The following RBL2 variants were observed in gnomAD, a reference collection of about 807,000 sequenced individuals.
RBL2 encodes the protein retinoblastoma-like protein 2.
A neutral mutation model predicts 126.0 loss-of-function variants in RBL2; 56 were observed. The observed-to-expected ratio is 0.44, with a 90% confidence interval of 0.36 to 0.56. The LOEUF (loss-of-function observed/expected upper bound fraction) is 0.56. RBL2 is among the 20% of genes least tolerant of loss of function. The pLI, the probability that RBL2 is intolerant of heterozygous loss-of-function variation, is 0.00. For missense variants in RBL2, 1,229 were observed against 1,398.2 expected (o/e 0.88, Z 1.93); for synonymous variants, 454 against 478.5 (o/e 0.95, Z 0.67).
chr16:53,462,514 C>T (rs1358093294), intron 10 of RBL2, 38 bp from the exon 11 acceptor site: 14 of 1,289,332 alleles, frequency 1.1e-5, no homozygotes, highest in African/African-American at 4.9e-5. Flanking sequence ...TCTTTGTGTG[C>T]CATTTTTGTG....
intron 9 of RBL2, among the ~76,000 whole-genome samples, chr16:53,461,157 C>T (rs913165504): frequency 2.6e-5 from 4 of 151,806 alleles, no homozygotes; most frequent in Non-Finnish European, 5.9e-5. Context: ...TCATAGATAT[C>T]GAATGGGCCC....
Position 53,490,799 on chromosome 16 carries a change from GAGGTCCT to G in RBL2, c.*505_*511del, listed in dbSNP as rs1261870208. 2.0e-5 allele frequency: 3 copies of G among 152,654 alleles called. No homozygotes were observed. The highest frequency in any genetic ancestry group is 4.4e-5 in the Non-Finnish European group (3 of 68,070). 9.5% of individuals were successfully genotyped at this position (152,654 alleles called of 1,614,324 possible). On this transcript the variant is annotated 3_prime_UTR_variant, in exon 22 of 22. Transcript: ENST00000262133. ...ACAAAGGAGAGCACACCCAGGTTTG[GAGGTCCT>G]AGGTCATTAGCCCTCGTCTCCCGTT...
chr16:53,470,360 A>T, intron 15 of RBL2, 23 bp from the exon 16 acceptor site: 1 of 1,604,164 alleles, frequency 6.2e-7, no homozygotes, highest in Middle Eastern at 1.7e-4. Context: ...CATTTTCTTC[A>T]TGCTTTTTTT....
rs1555571172 is a variant in RBL2 at position 53,490,550 on chromosome 16, G to C, written c.*250G>C. On this transcript the variant is annotated 3_prime_UTR_variant, in exon 22 of 22. Transcript: ENST00000262133. ...CAAGGCTGCTTAGAATCCAAACTTG[G>C]ATTTTTGACTCTGGCAAAGCTTTTA... is the stretch of plus-strand genomic sequence containing the variant. 20 of 347,562 alleles carry C rather than the reference G, an allele frequency of 5.8e-5. No individual in the cohort carries two copies. Among genetic ancestry groups the C allele is most frequent in the Non-Finnish European group, 8.7e-5 (17 of 194,462 alleles). 21.5% of individuals were successfully genotyped at this position (347,562 alleles called of 1,614,324 possible). A position where few individuals can be genotyped will look rare whatever the true frequency, so the allele number is the denominator to read the frequency against.
At chr16:53,444,172 C>T (rs936597641) in intron 3 of RBL2, among the ~76,000 whole-genome samples, 6 of 151,806 alleles carry the variant, frequency 4.0e-5, no homozygotes, top group Admixed American at 2.6e-4. Flanking sequence ...TCCCTTGAAC[C>T]GAGAGGCAGA....
intron 1 of RBL2, among the ~76,000 whole-genome samples, 158 bp downstream of exon 1, chr16:53,434,954 G>A (rs1222343290): frequency 1.3e-5 from 2 of 152,116 alleles, no homozygotes; most frequent in East Asian, 3.9e-4. Flanking sequence ...GCTCTTAGCC[G>A]CTCCGAGGGC....
At chr16:53,447,790 G>A (rs1424572812) in intron 4 of RBL2, among the ~76,000 whole-genome samples, 2 of 151,862 alleles carry the variant, frequency 1.3e-5, no homozygotes, top group Non-Finnish European at 2.9e-5. Context: ...GATTACAGGC[G>A]CCCACCACCA....
intron 17 of RBL2, among the ~76,000 whole-genome samples, chr16:53,478,256 A>G (rs1216954241): frequency 6.6e-6 from 1 of 152,044 alleles, no homozygotes; most frequent in Admixed American, 6.6e-5. Context: ...GATGCTTTTA[A>G]TATTTTCTTT....
At position 53,480,840 on chromosome 16, in the gene RBL2, A is replaced by G. The variant is rs2064018209; in HGVS notation, c.3084+71A>G. On this transcript the variant is annotated intron_variant, in intron 20 of 21. Coordinates refer to ENST00000262133, the MANE Select transcript of RBL2 (RefSeq NM_005611.4). ...TTGAGGAATCATTTATGATTTATAT[A>G]TGGACCATTCACCTGGTCCGTATAT... is the stretch of plus-strand genomic sequence containing the variant. 5 of 1,451,062 alleles carry G rather than the reference A, an allele frequency of 3.4e-6. No individual in the cohort carries two copies. In the Admixed American group the frequency reaches 7.1e-5, roughly 20 times the overall value. 89.9% of individuals were successfully genotyped at this position (1,451,062 alleles called of 1,614,324 possible). A position where few individuals can be genotyped will look rare whatever the true frequency, so the allele number is the denominator to read the frequency against.
chr16:53,465,675 G>A (rs2058265503), intron 13 of RBL2, 73 bp downstream of exon 13: 2 of 1,251,284 alleles, frequency 1.6e-6, no homozygotes, highest in South Asian at 4.2e-5. Context: ...TTTTGGGGAT[G>A]GGAGGGTGGC....
chr16:53,434,818 C>G (rs923398482), intron 1 of RBL2, 22 bp downstream of exon 1: 2 of 1,480,562 alleles, frequency 1.4e-6, no homozygotes, highest in Non-Finnish European at 1.8e-6. Flanking sequence ...GGCGGAGGGG[C>G]GCTTCCGGCC....
chr16:53,472,750 C>T (rs143284044), intron 17 of RBL2, among the ~76,000 whole-genome samples: 417 of 152,252 alleles, frequency 2.7e-3, no homozygotes, highest in Non-Finnish European at 3.9e-3. Context: ...AGTCCAGTTA[C>T]CTGTTTTTTG....
At chr16:53,475,673 GCTTA>G (rs1201249675) in intron 17 of RBL2, among the ~76,000 whole-genome samples, 2 of 151,536 alleles carry the variant, frequency 1.3e-5, no homozygotes, top group African/African-American at 4.9e-5. Flanking sequence ...CCTTCTTTCT[GCTTA>G]CTTGAGGCTT....
rs550615630 is a variant in RBL2, at chr16:53,442,480, G to A, written c.372-178G>A. On this transcript the variant is annotated intron_variant, in intron 2 of 21. Transcript: ENST00000262133. ...TAAACAAAATGGATTAGGAGGATCA[G>A]AGGAATATACCAATCTGTAAGAAAT... Among the ~76,000 whole-genome samples the A allele has an allele frequency of 4.6e-5, 7 of 152,312 alleles. No homozygotes were observed. The South Asian group carries it at 1.4e-3, about 32-fold the overall frequency.
rs1311408107 is a variant in RBL2, at chr16:53,442,703, A to G, written c.417A>G (p.Ala139=). The G allele has an allele frequency of 6.2e-7, 1 of 1,613,922 alleles. No individual in the cohort carries two copies. The highest frequency in any genetic ancestry group is 2.2e-5 in the East Asian group (1 of 44,868). The change falls in exon 3 of 22, where the codon GCA becomes GCG. Residue 139 remains alanine (A), a synonymous_variant. Coordinates refer to ENST00000262133, the MANE Select transcript of RBL2 (RefSeq NM_005611.4). Reference sequence around the variant, plus strand: ...AGATGAAGAAGTGGGAAGACATGGCAAATCTACCCCCACATTTCAGAGAAC... The same window carrying G: ...AGATGAAGAAGTGGGAAGACATGGCGAATCTACCCCCACATTTCAGAGAAC... ...FNKMKKWEDM[A]NLPPHFRERT... is the part of the protein sequence containing the mutation.
At chr16:53,467,016 CT>C in intron 13 of RBL2, 41 bp from the exon 14 acceptor site, 3 of 1,443,196 alleles carry the variant, frequency 2.1e-6, no homozygotes, top group Non-Finnish European at 2.9e-6. Context: ...AATTAAAGTG[CT>C]TTTTTGGATA....
Position 53,442,311 on chromosome 16 carries a change from A to G in RBL2, c.372-347A>G, listed in dbSNP as rs1027140983. On this transcript the variant is annotated intron_variant, in intron 2 of 21. Coordinates refer to ENST00000262133, the MANE Select transcript of RBL2 (RefSeq NM_005611.4). ...ATAGAACGAAACCCTATCTCTTACA[A>G]AAACAAAAACGACAAAATTTATTTA... 1.4e-4 allele frequency among the ~76,000 whole-genome samples: 21 copies of G among 152,292 alleles called. 1 individual carries two copies. The highest frequency in any genetic ancestry group is 4.2e-4 in the South Asian group (2 of 4,816).
Position 53,490,334 on chromosome 16 carries a change from C to G in RBL2, c.*34C>G. ...TCTTGTATTAAACTCTTCACAAAAT[C>G]TGTTTAGCAGCAGCCTTTAATGCAT... On this transcript the variant is annotated 3_prime_UTR_variant, in exon 22 of 22. Coordinates refer to ENST00000262133, the MANE Select transcript of RBL2 (RefSeq NM_005611.4). 6.6e-7 allele frequency: 1 copy of G among 1,520,748 alleles called. No homozygotes were observed. The highest frequency in any genetic ancestry group is 8.9e-7 in the Non-Finnish European group (1 of 1,121,278). The allele number at this position is 1,520,748 out of a possible 1,614,324, so 94.2% of individuals were successfully genotyped here. A position where few individuals can be genotyped will look rare whatever the true frequency, so the allele number is the denominator to read the frequency against.
chr16:53,465,389 T>G, intron 12 of RBL2, 49 bp from the exon 13 acceptor site: 1 of 1,233,504 alleles, frequency 8.1e-7, no homozygotes, highest in Admixed American at 3.2e-5. Context: ...TCTAAATATT[T>G]AAAAATATTT....
Sources: gnomAD v4.1 joint callset for allele counts (sites outside exome capture counted in the v4.1 genomes callset) on GRCh38, gnomAD v4.1.1 for gene constraint, MANE v1.5 for transcripts, NCBI Gene and HGNC (gene_info 2026-07-23, HGNC 2026-07-21) for gene names.